TMPRSS11F: variants seen among roughly 807,000 people sequenced by gnomAD.
TMPRSS11F encodes the protein transmembrane serine protease 11F, also known as transmembrane protease serine 11F.
In TMPRSS11F, 47 loss-of-function variants were observed where a neutral mutation model predicts 60.2. That is an observed-to-expected ratio of 0.78 (90% CI 0.62 to 1.00). The LOEUF (loss-of-function observed/expected upper bound fraction) is 1.00, where lower values mean the gene tolerates loss of function less well. Ranked by LOEUF, TMPRSS11F falls within the 50% of genes least tolerant of loss-of-function variation. The pLI is 0.00. For synonymous variants in TMPRSS11F, 166 were observed against 167.3 expected, an observed-to-expected ratio of 0.99 and a Z score of 0.06; for missense variants, 519 against 522.9, an observed-to-expected ratio of 0.99 and a Z score of 0.07.
In TMPRSS11F at chr4:68,056,965, T is replaced by C. The variant is rs1216576945; in HGVS notation, c.1158+2361A>G. Among the ~76,000 whole-genome samples the C allele has an allele frequency of 2.0e-5, 3 of 152,148 alleles. No individual in the cohort carries two copies. The East Asian group carries it at 5.8e-4, about 29-fold the overall frequency. On this transcript the variant is annotated intron_variant, in intron 9 of 9. Transcript: ENST00000356291. ...AGATAGTCTATTCAATAAATGGTGC[T>C]GGGAAAATTGGTTATCTATATCAGA...
At chr4:68,081,059 G>T (rs1289579935) in intron 3 of TMPRSS11F, 1 of 152,110 alleles carries the variant, frequency 6.6e-6, no homozygotes, top group Non-Finnish European at 1.5e-5. Flanking sequence ...AATGAAAAAA[G>T]AAATATTTTT....
chr4:68,093,192 T>C (rs1321116912), intron 2 of TMPRSS11F, among the ~76,000 whole-genome samples: 2 of 152,376 alleles, frequency 1.3e-5, no homozygotes, highest in East Asian at 1.9e-4. Context: ...CCATGCACTG[T>C]GTGAAAACAC....
At chr4:68,100,411 A>G (rs917989295) in intron 1 of TMPRSS11F, among the ~76,000 whole-genome samples, 1 of 152,182 alleles carries the variant, frequency 6.6e-6, no homozygotes, top group Admixed American at 6.6e-5. Flanking sequence ...GCAGACAGGT[A>G]GACCAGTTTA....
chr4:68,128,521 T>C (rs1193864788), intron 1 of TMPRSS11F, among the ~76,000 whole-genome samples: 1 of 143,134 alleles, frequency 7.0e-6, no homozygotes, highest in East Asian at 2.0e-4. Context: ...AATGATATTT[T>C]CAGGGTGGAA....
chr4:68,064,161 A>T (rs1723269334), intron 8 of TMPRSS11F, among the ~76,000 whole-genome samples: 1 of 142,254 alleles, frequency 7.0e-6, no homozygotes, highest in African/African-American at 2.6e-5. Flanking sequence ...GCAGTTGAGG[A>T]GATTTCTTTC....
At chr4:68,092,049 G>C (rs1723954376) in intron 2 of TMPRSS11F, among the ~76,000 whole-genome samples, 2 of 152,044 alleles carry the variant, frequency 1.3e-5, no homozygotes, top group South Asian at 4.1e-4. Flanking sequence ...GCCTCCCAAA[G>C]TGCTGGGATT....
chr4:68,061,479 A>G (rs1723172996), intron 8 of TMPRSS11F, among the ~76,000 whole-genome samples: 1 of 152,218 alleles, frequency 6.6e-6, no homozygotes, highest in East Asian at 1.9e-4. Flanking sequence ...TGAGAACTGC[A>G]TAGTCTTTAT....
At chr4:68,113,258 T>C (rs1724445933) in intron 1 of TMPRSS11F, among the ~76,000 whole-genome samples, 1 of 152,166 alleles carries the variant, frequency 6.6e-6, no homozygotes, top group Non-Finnish European at 1.5e-5. Flanking sequence ...TGTAATAAAA[T>C]GGCAAAGAAT....
At chr4:68,128,181 T>C (rs1403047851) in intron 1 of TMPRSS11F, among the ~76,000 whole-genome samples, 1 of 152,144 alleles carries the variant, frequency 6.6e-6, no homozygotes, top group Non-Finnish European at 1.5e-5. Flanking sequence ...CCTTTACTAA[T>C]GAATTCAATA....
At chr4:68,101,861 C>T (rs1417227957) in intron 1 of TMPRSS11F, among the ~76,000 whole-genome samples, 4 of 152,048 alleles carry the variant, frequency 2.6e-5, no homozygotes, top group Non-Finnish European at 4.4e-5. Context: ...CTAAAATCTA[C>T]TCATTTAGCA....
chr4:68,086,723 A>C (rs1353016867), intron 3 of TMPRSS11F, among the ~76,000 whole-genome samples: 1 of 152,132 alleles, frequency 6.6e-6, no homozygotes, highest in Non-Finnish European at 1.5e-5. Context: ...TCCCACAGAA[A>C]TACTCAGTCT....
chr4:68,066,103 A>G (rs1723319505), intron 7 of TMPRSS11F, among the ~76,000 whole-genome samples: 1 of 142,014 alleles, frequency 7.0e-6, no homozygotes, highest in African/African-American at 2.6e-5. Context: ...TGGGTGACAG[A>G]GCAAGACTGT....
At chr4:68,125,352 A>G (rs1724696094) in intron 1 of TMPRSS11F, among the ~76,000 whole-genome samples, 1 of 152,068 alleles carries the variant, frequency 6.6e-6, no homozygotes, top group South Asian at 2.1e-4. Context: ...AATTTTCTAA[A>G]TTTTGCAAAA....
intron 3 of TMPRSS11F, among the ~76,000 whole-genome samples, chr4:68,083,332 A>G (rs1723744650): frequency 6.6e-6 from 1 of 152,168 alleles, no homozygotes; most frequent in South Asian, 2.1e-4. Context: ...GGGGCCCCCT[A>G]AGGCACAGGG....
At chr4:68,112,606 T>C (rs1365621690) in intron 1 of TMPRSS11F, among the ~76,000 whole-genome samples, 1 of 152,184 alleles carries the variant, frequency 6.6e-6, no homozygotes, top group African/African-American at 2.4e-5. Flanking sequence ...AATATATCAA[T>C]AAATAATCAA....
intron 5 of TMPRSS11F, among the ~76,000 whole-genome samples, chr4:68,070,672 T>C (rs1041359943): frequency 2.6e-5 from 4 of 152,250 alleles, no homozygotes; most frequent in Non-Finnish European, 2.9e-5. Context: ...GTTTCCCTTC[T>C]GTGACATCTT....
At chr4:68,088,263 C>T (rs1410320164) in intron 3 of TMPRSS11F, among the ~76,000 whole-genome samples, 1 of 151,436 alleles carries the variant, frequency 6.6e-6, no homozygotes, top group African/African-American at 2.4e-5. Flanking sequence ...ATAAAACAGA[C>T]TTTAAACCAA....
At chr4:68,093,935 T>C (rs1272561307) in intron 2 of TMPRSS11F, among the ~76,000 whole-genome samples, 1 of 114,390 alleles carries the variant, frequency 8.7e-6, no homozygotes, top group African/African-American at 2.9e-5. Flanking sequence ...ATAGGAACAC[T>C]TTTACACTGT....
chr4:68,105,847 A>G (rs919003488), intron 1 of TMPRSS11F, among the ~76,000 whole-genome samples: 19 of 152,160 alleles, frequency 1.2e-4, no homozygotes, highest in African/African-American at 4.6e-4. Context: ...AAGAATATAA[A>G]CCTATCAGTA....
Sources: gnomAD v4.1 joint callset for allele counts (sites outside exome capture counted in the v4.1 genomes callset) on GRCh38, gnomAD v4.1.1 for gene constraint, MANE v1.5 for transcripts, NCBI Gene and HGNC (gene_info 2026-07-23, HGNC 2026-07-21) for gene names.